Variants in RANBP2 observed in about 807,000 individuals in gnomAD.
RANBP2 encodes RAN binding protein 2, also known as E3 SUMO-protein ligase RanBP2.
RANBP2 carries 57 observed loss-of-function variants against 303.6 expected under a neutral mutation model. The ratio of observed to expected loss-of-function variants is 0.19; its 90% CI spans 0.15 to 0.23. RANBP2 has a LOEUF of 0.23. Among genes scored for constraint, RANBP2 ranks in the 10% least tolerant of loss-of-function variants. The pLI, the probability that RANBP2 is intolerant of heterozygous loss-of-function variation, is 1.00. For synonymous variants in RANBP2, 1,167 were observed against 1,301.5 expected, an observed-to-expected ratio of 0.90 and a Z score of 2.23; for missense variants, 3,138 against 3,780.8, an observed-to-expected ratio of 0.83 and a Z score of 4.46.
chr2:109,051,917 T>G, the RANBP2 span, among the ~76,000 whole-genome samples: 1 of 151,952 alleles, frequency 6.6e-6, no homozygotes, highest in African/African-American at 2.4e-5. Flanking sequence ...CCCAGCTAAT[T>G]TTTTGTATTT....
At chr2:108,914,642 T>C in the RANBP2 span, among the ~76,000 whole-genome samples, 1 of 152,318 alleles carries the variant, frequency 6.6e-6, no homozygotes, top group South Asian at 2.1e-4. Context: ...CAACCTTCTT[T>C]TGGGCCAGAC....
chr2:109,657,543 A>C, the RANBP2 span, among the ~76,000 whole-genome samples: 5 of 150,716 alleles, frequency 3.3e-5, no homozygotes, highest in African/African-American at 9.7e-5. Flanking sequence ...ATAGAGAGAA[A>C]ATTATAAAAG....
the RANBP2 span, among the ~76,000 whole-genome samples, chr2:109,064,634 G>C: frequency 6.6e-6 from 1 of 152,094 alleles, no homozygotes; most frequent in African/African-American, 2.4e-5. Context: ...AAAAGTGAAA[G>C]ATTTCTTCTG....
the RANBP2 span, among the ~76,000 whole-genome samples, chr2:109,270,673 C>T: frequency 2.0e-5 from 3 of 152,164 alleles, no homozygotes; most frequent in Non-Finnish European, 4.4e-5. Flanking sequence ...GTCTTGGCCC[C>T]GTATCTGGGC....
chr2:108,987,550 T>C, the RANBP2 span, among the ~76,000 whole-genome samples: 3 of 152,230 alleles, frequency 2.0e-5, no homozygotes, highest in Admixed American at 6.5e-5. Context: ...AGAAACCAGG[T>C]AGTGGCCAGG....
intron 28 of RANBP2, among the ~76,000 whole-genome samples, chr2:108,783,310 G>A (rs143828398): frequency 2.8e-4 from 35 of 123,222 alleles, no homozygotes; most frequent in African/African-American, 9.6e-4. Flanking sequence ...CATCCTGGGC[G>A]ACAGAGTGAG....
In RANBP2 at chr2:108,781,255, G is replaced by T. The variant is rs57063709; in HGVS notation, c.8600-14G>T. The T allele has an allele frequency of 2.5e-3, 4,009 of 1,613,960 alleles. 84 individuals carry two copies. The African/African-American group carries it at 0.048, about 19-fold the overall frequency. On this transcript the variant is annotated splice_polypyrimidine_tract_variant and intron_variant, in intron 25 of 28. Coordinates refer to ENST00000283195, the MANE Select transcript of RANBP2 (RefSeq NM_006267.5). ...ATAGATACTAGTGTTTAAATATCCTGATTTATTCATCAGATAAAAATTTCC... is the reference window on the plus strand; with the variant it reads ...ATAGATACTAGTGTTTAAATATCCTTATTTATTCATCAGATAAAAATTTCC...
the RANBP2 span, among the ~76,000 whole-genome samples, chr2:109,296,386 C>A: frequency 1.3e-5 from 2 of 150,992 alleles, no homozygotes; most frequent in Admixed American, 1.3e-4. Context: ...CACCACCACA[C>A]CCAGTTTTTT....
the RANBP2 span, among the ~76,000 whole-genome samples, chr2:109,507,903 G>A: frequency 1.4e-4 from 21 of 152,220 alleles, no homozygotes; most frequent in Non-Finnish European, 2.8e-4. Flanking sequence ...ATCTTGCAAT[G>A]TGTACAATCG....
At chr2:109,009,417 C>G in the RANBP2 span, among the ~76,000 whole-genome samples, 87,206 of 151,828 alleles carry the variant, frequency 0.57, 27,895 homozygotes, top group East Asian at 0.96. Flanking sequence ...GTCTGGACTT[C>G]TGAAGAAAAT....
At chr2:109,334,538 G>C in the RANBP2 span, among the ~76,000 whole-genome samples, 1 of 152,132 alleles carries the variant, frequency 6.6e-6, no homozygotes, top group Non-Finnish European at 1.5e-5. Flanking sequence ...AGTGGTGCCA[G>C]CCAGCAGGGG....
the RANBP2 span, among the ~76,000 whole-genome samples, chr2:108,979,454 G>GTC: frequency 0.013 from 1,502 of 116,426 alleles, 35 homozygotes; most frequent in African/African-American, 0.058. Context: ...CTCTGTCTCT[G>GTC]TCTCTCTCTC....
intron 5 of RANBP2, 54 bp downstream of exon 5, chr2:108,735,816 C>T: frequency 6.3e-7 from 1 of 1,597,272 alleles, no homozygotes; most frequent in Non-Finnish European, 8.5e-7. Context: ...TAGCATACAT[C>T]TTTTTGTACT....
the RANBP2 span, among the ~76,000 whole-genome samples, chr2:109,385,704 G>C: frequency 6.6e-6 from 1 of 152,232 alleles, no homozygotes; most frequent in Non-Finnish European, 1.5e-5. Context: ...TCAAGGGGTT[G>C]GCCAAGCCTA....
the RANBP2 span, among the ~76,000 whole-genome samples, chr2:109,689,989 G>T: frequency 6.6e-6 from 1 of 152,080 alleles, no homozygotes; most frequent in Non-Finnish European, 1.5e-5. Context: ...CCTATTGGGG[G>T]TATGCACGTA....
the RANBP2 span, among the ~76,000 whole-genome samples, chr2:109,374,243 C>G: frequency 2.0e-5 from 3 of 152,242 alleles, no homozygotes; most frequent in African/African-American, 7.2e-5. Context: ...GCAGGGGGCC[C>G]CACTGCCCCT....
chr2:109,360,705 A>G, the RANBP2 span, among the ~76,000 whole-genome samples: 2 of 152,260 alleles, frequency 1.3e-5, no homozygotes, highest in Admixed American at 1.3e-4. Context: ...TATTAGTTCT[A>G]GAAGTTCTTC....
the RANBP2 span, among the ~76,000 whole-genome samples, chr2:109,047,322 TG>T: frequency 3.9e-5 from 6 of 152,206 alleles, no homozygotes; most frequent in Non-Finnish European, 8.8e-5. Flanking sequence ...AGGGGACTTT[TG>T]TTTCATGTTA....
At chr2:109,107,739 C>CT in the RANBP2 span, among the ~76,000 whole-genome samples, 70 of 151,684 alleles carry the variant, frequency 4.6e-4, 2 homozygotes, top group Admixed American at 3.5e-3. Context: ...CCTGCAGCAA[C>CT]TTTTTTTTTC....
Sources: allele counts gnomAD v4.1 joint callset (sites outside exome capture counted in the v4.1 genomes callset), GRCh38; gene constraint gnomAD v4.1.1; transcripts MANE v1.5; gene names NCBI Gene and HGNC (gene_info 2026-07-23, HGNC 2026-07-21).